Variants in AMBRA1 observed in about 807,000 individuals in gnomAD.
The protein encoded by AMBRA1 is autophagy and beclin 1 regulator 1, also known as activating molecule in BECN1-regulated autophagy protein 1.
In AMBRA1, 47 loss-of-function variants were observed where a neutral mutation model predicts 125.4. That is an observed-to-expected ratio of 0.37 (90% CI 0.30 to 0.48). AMBRA1 has a LOEUF of 0.48. AMBRA1 is among the 20% of genes least tolerant of loss of function. The pLI, the probability that AMBRA1 is intolerant of heterozygous loss-of-function variation, is 0.99. For synonymous variants in AMBRA1, 626 were observed against 655.5 expected, an observed-to-expected ratio of 0.95 and a Z score of 0.69; for missense variants, 1,331 against 1,693.4, an observed-to-expected ratio of 0.79 and a Z score of 3.76.
intron 14 of AMBRA1, among the ~76,000 whole-genome samples, chr11:46,419,050 T>C (rs1946715832): frequency 6.6e-6 from 1 of 152,162 alleles, no homozygotes; most frequent in Non-Finnish European, 1.5e-5. Context: ...TTAAAAGCAA[T>C]GTTAAAACTG....
At chr11:46,547,957 T>G in intron 2 of AMBRA1, 82 bp from the exon 3 acceptor site, 1 of 1,472,306 alleles carries the variant, frequency 6.8e-7, no homozygotes, top group Non-Finnish European at 9.3e-7. Context: ...ACATTAACCA[T>G]TCTAGATTAG....
intron 11 of AMBRA1, among the ~76,000 whole-genome samples, chr11:46,448,455 A>C (rs1948417496): frequency 6.6e-6 from 1 of 152,228 alleles, no homozygotes; most frequent in Admixed American, 6.5e-5. Flanking sequence ...CGTGAAATGT[A>C]GTGAAAGCAG....
intron 7 of AMBRA1, 48 bp downstream of exon 7, chr11:46,541,897 A>G: frequency 6.3e-7 from 1 of 1,589,724 alleles, no homozygotes; most frequent in Non-Finnish European, 8.5e-7. Flanking sequence ...AGGAAATGAT[A>G]CAAGGAGAAA....
chr11:46,543,452 C>A, intron 6 of AMBRA1, 54 bp from the exon 7 acceptor site: 2 of 1,573,574 alleles, frequency 1.3e-6, no homozygotes. Context: ...TTAGGTAGAA[C>A]CTCCAAGTAA....
chr11:46,472,870 C>A (rs911356471), intron 11 of AMBRA1, among the ~76,000 whole-genome samples: 2 of 152,230 alleles, frequency 1.3e-5, no homozygotes, highest in East Asian at 3.8e-4. Flanking sequence ...TCCACACATG[C>A]TCCAGGAAAC....
Position 46,542,441 on chromosome 11 carries a change from G to C in AMBRA1, c.1576C>G (p.Gln526Glu). The change falls in exon 7 of 18, where the codon CAG becomes GAG. Residue 526 changes from glutamine (Q) to glutamate (E), a missense_variant. By Grantham distance (29) the Gln-to-Glu change is conservative. Around this residue, in one of 4 missense-constraint regions of AMBRA1, gnomAD observed 689 missense variants for 776.5 expected, o/e 0.89. Coordinates refer to ENST00000683756, the MANE Select transcript of AMBRA1 (RefSeq NM_001387011.1). This position sits in a 1 kb window ranked among gnomAD's most constrained non-coding sequence, Gnocchi z 5.9. ...LDQSLSGEAP[Q>E]TQQAQEMLNN... is the part of the protein sequence containing the mutation. The stretch of plus-strand genomic sequence containing the variant: ...AGCATTTCCTGGGCCTGTTGGGTCT[G>C]GGGAGCTTCCCCACTCAGGCTCTGA... 2 of 1,614,034 alleles carry C rather than the reference G, an allele frequency of 1.2e-6. No individual in the cohort carries two copies. Among genetic ancestry groups the C allele is most frequent in the Non-Finnish European group, 1.7e-6 (2 of 1,180,046 alleles).
At chr11:46,591,528 C>T (rs564534711) in intron 1 of AMBRA1, 12 of 152,256 alleles carry the variant, frequency 7.9e-5, no homozygotes, top group African/African-American at 2.9e-4. Flanking sequence ...ACAGTTTCCA[C>T]TCAAGGACTA....
chr11:46,525,906 T>A (rs1951948787), intron 7 of AMBRA1, among the ~76,000 whole-genome samples: 2 of 151,668 alleles, frequency 1.3e-5, no homozygotes, highest in African/African-American at 4.8e-5. Flanking sequence ...AGCGAGACTC[T>A]GTCTCAAAAA....
intron 1 of AMBRA1, among the ~76,000 whole-genome samples, chr11:46,582,629 A>C (rs1017597239): frequency 6.6e-6 from 1 of 152,178 alleles, no homozygotes; most frequent in Non-Finnish European, 1.5e-5. Flanking sequence ...TTGGACGCGA[A>C]TCCTGGTTCT....
At chr11:46,523,552 T>C (rs891886526) in intron 7 of AMBRA1, among the ~76,000 whole-genome samples, 2 of 152,348 alleles carry the variant, frequency 1.3e-5, no homozygotes, top group South Asian at 4.1e-4. Context: ...TGCTAAAAAT[T>C]ATGCATTTTC....
chr11:46,551,096 C>CAAA (rs57293525), intron 1 of AMBRA1, among the ~76,000 whole-genome samples: 5 of 49,324 alleles, frequency 1.0e-4, no homozygotes, highest in Non-Finnish European at 1.4e-4. Flanking sequence ...GACTCCGCCT[C>CAAA]AAAAAAAAAA....
intron 11 of AMBRA1, among the ~76,000 whole-genome samples, chr11:46,483,557 T>C (rs533765572): frequency 6.6e-6 from 1 of 152,138 alleles, no homozygotes; most frequent in South Asian, 2.1e-4. Flanking sequence ...TGCTTGGAGA[T>C]AGGAAAAGGA....
At chr11:46,524,216 G>A (rs1277970476) in intron 7 of AMBRA1, among the ~76,000 whole-genome samples, 2 of 152,168 alleles carry the variant, frequency 1.3e-5, no homozygotes, top group Non-Finnish European at 2.9e-5. Context: ...AACAAATCAT[G>A]AAATAATTTA....
chr11:46,443,686 G>A lies in AMBRA1; in HGVS notation c.2522-88C>T. 4 of 1,139,482 alleles carry A rather than the reference G, an allele frequency of 3.5e-6. No individual in the cohort carries two copies. In the South Asian group the frequency reaches 5.6e-5, roughly 16 times the overall value. The allele number at this position is 1,139,482 out of a possible 1,614,324, so 70.6% of individuals were successfully genotyped here. A position where few individuals can be genotyped will look rare whatever the true frequency, so the allele number is the denominator to read the frequency against. On this transcript the variant is annotated intron_variant, in intron 11 of 17. Transcript: ENST00000683756. ...ATAAAACAATACTGGGATTAGTAGTGGGGAGAGAAGAGGAAAAACTAGACT... is the reference window on the plus strand; with the variant it reads ...ATAAAACAATACTGGGATTAGTAGTAGGGAGAGAAGAGGAAAAACTAGACT...
intron 1 of AMBRA1, among the ~76,000 whole-genome samples, chr11:46,589,262 CA>C (rs199959227): frequency 2.7e-4 from 40 of 150,380 alleles, no homozygotes; most frequent in African/African-American, 8.1e-4. Flanking sequence ...TTTAGCTGTG[CA>C]AAAAAAAATT....
At chr11:46,458,763 C>G (rs552396248) in intron 11 of AMBRA1, among the ~76,000 whole-genome samples, 6 of 152,222 alleles carry the variant, frequency 3.9e-5, no homozygotes, top group Non-Finnish European at 7.4e-5. Flanking sequence ...TGACCAGAAC[C>G]TCACATTTTA....
intron 1 of AMBRA1, among the ~76,000 whole-genome samples, chr11:46,574,478 C>T (rs1373394375): frequency 6.6e-6 from 1 of 151,580 alleles, no homozygotes; most frequent in Admixed American, 6.6e-5. Flanking sequence ...TCAGAAGTGT[C>T]TGTTCATGTC....
chr11:46,520,506 G>A (rs1039813232), intron 7 of AMBRA1, among the ~76,000 whole-genome samples: 2 of 151,702 alleles, frequency 1.3e-5, no homozygotes, highest in African/African-American at 4.8e-5. Context: ...ATTACTGTCT[G>A]TAAAAAGCCT....
At position 46,542,424 on chromosome 11, in the gene AMBRA1, C is replaced by G. The variant is rs1952794869; in HGVS notation, c.1593G>C (p.Gln531His). 6.2e-7 allele frequency: 1 copy of G among 1,614,106 alleles called. No homozygotes were observed. Among genetic ancestry groups the G allele is most frequent in the Non-Finnish European group, 8.5e-7 (1 of 1,180,030 alleles). Residue 531 changes from glutamine (Q) to histidine (H), a missense_variant, in exon 7 of 18, where the codon CAG (glutamine) becomes CAC (histidine). Gln to His is a conservative substitution (Grantham distance 24). Coordinates refer to ENST00000683756, the MANE Select transcript of AMBRA1 (RefSeq NM_001387011.1). The surrounding 1 kb of genome is among the most constrained non-coding windows in gnomAD (Gnocchi z 5.9). ...ATTCAATGTTATTGTTGAGCATTTC[C>G]TGGGCCTGTTGGGTCTGGGGAGCTT... ...SGEAPQTQQA[Q>H]EMLNNNIESE...
Sources: gnomAD v4.1 joint callset for allele counts (sites outside exome capture counted in the v4.1 genomes callset) on GRCh38, gnomAD v4.1.1 for gene constraint, gnomAD v4.1.1 regional missense constraint, Gnocchi (gnomAD v3.1) non-coding constraint, MANE v1.5 for transcripts, NCBI Gene and HGNC (gene_info 2026-07-23, HGNC 2026-07-21) for gene names.